CTNNA3: variants seen among roughly 807,000 people sequenced by gnomAD.
CTNNA3 encodes the protein catenin alpha-3.
A neutral mutation model predicts 95.7 loss-of-function variants in CTNNA3; 76 were observed. The ratio of observed to expected loss-of-function variants is 0.79; its 90% CI spans 0.66 to 0.96. The LOEUF is 0.96. CTNNA3 is among the 40% of genes least tolerant of loss of function. The pLI is 0.00. For synonymous variants in CTNNA3, 431 were observed against 374.4 expected (o/e 1.15, Z -1.74); for missense variants, 1,191 against 1,089.8 (o/e 1.09, Z -1.31).
At chr10:67,341,373 C>T (rs1842183362) in intron 5 of CTNNA3, among the ~76,000 whole-genome samples, 1 of 152,146 alleles carries the variant, frequency 6.6e-6, no homozygotes, top group African/African-American at 2.4e-5. Flanking sequence ...CTGGTAACCA[C>T]ATTCTACTCT....
chr10:67,254,981 T>C lies in CTNNA3; in HGVS notation c.580-35111A>G, dbSNP rs572273743. ...GTGTCACTCTAAAATTTTTGTGTGA[T>C]TGTTTCTATGCTATAAAACCACAAT... On this transcript the variant is annotated intron_variant, in intron 5 of 17. Transcript: ENST00000433211. Among the ~76,000 whole-genome samples the C allele has an allele frequency of 8.1e-4, 124 of 152,314 alleles. 1 individual carries two copies. The highest frequency in any genetic ancestry group is 2.9e-3 in the African/African-American group (120 of 41,576).
At chr10:67,361,240 A>C (rs181162377) in intron 5 of CTNNA3, among the ~76,000 whole-genome samples, 6 of 152,206 alleles carry the variant, frequency 3.9e-5, no homozygotes, top group Non-Finnish European at 8.8e-5. Context: ...CTAACAAAGA[A>C]ATTATGGACT....
chr10:66,267,842 ATATCT>A (rs1429011272), intron 13 of CTNNA3, among the ~76,000 whole-genome samples: 9 of 152,116 alleles, frequency 5.9e-5, no homozygotes, highest in African/African-American at 2.2e-4. Context: ...GTATAGCTTA[ATATCT>A]TAAATTGGCA....
chr10:67,099,104 G>A (rs1469606841), intron 7 of CTNNA3: 1 of 151,640 alleles, frequency 6.6e-6, no homozygotes, highest in Non-Finnish European at 1.5e-5. Context: ...TATCCATAAT[G>A]GGATTCACCT....
intron 3 of CTNNA3, among the ~76,000 whole-genome samples, chr10:67,547,594 T>A (rs1840885309): frequency 6.6e-6 from 1 of 152,170 alleles, no homozygotes; most frequent in Non-Finnish European, 1.5e-5. Context: ...TATGCAGAAA[T>A]GACAGAAGTT....
At chr10:65,920,816 C>T (rs1380239411) in intron 17 of CTNNA3, among the ~76,000 whole-genome samples, 199 bp from the exon 18 acceptor site, 1 of 151,428 alleles carries the variant, frequency 6.6e-6, no homozygotes, top group African/African-American at 2.4e-5. Flanking sequence ...ACAGTGAAAC[C>T]CCATATAAAA....
intron 5 of CTNNA3, among the ~76,000 whole-genome samples, chr10:67,319,887 A>T (rs1411481632): frequency 1.8e-5 from 2 of 114,060 alleles, no homozygotes; most frequent in African/African-American, 6.8e-5. Context: ...CAAGAGCGAG[A>T]CTCAGTCTCA....
chr10:66,227,824 T>C (rs1237116196), intron 13 of CTNNA3, among the ~76,000 whole-genome samples: 1 of 152,058 alleles, frequency 6.6e-6, no homozygotes, highest in Non-Finnish European at 1.5e-5. Context: ...TATTGGGAGA[T>C]TTTTTATTTC....
At chr10:67,698,674 C>T (rs1250139921), upstream of CTNNA3, among the ~76,000 whole-genome samples, 1 of 152,118 alleles carries the variant, frequency 6.6e-6, no homozygotes, top group Non-Finnish European at 1.5e-5. Flanking sequence ...ATTTTCTGAA[C>T]AGCCATAATA....
rs187326268 is a variant in CTNNA3, at chr10:66,463,051, T to C, written c.1531+57566A>G. 1.0e-3 allele frequency among the ~76,000 whole-genome samples: 154 copies of C among 152,316 alleles called. 1 individual carries two copies. Among genetic ancestry groups the C allele is most frequent in the African/African-American group, 3.4e-3 (140 of 41,584 alleles). On this transcript the variant is annotated intron_variant, in intron 11 of 17. Coordinates refer to ENST00000433211, the MANE Select transcript of CTNNA3 (RefSeq NM_013266.4). ...AAAATTCTTTTAGCTTCCATGTTCA[T>C]CTTCTTTTCTGCATTGCTATTACTT...
chr10:66,724,184 G>C (rs766302145), intron 9 of CTNNA3, among the ~76,000 whole-genome samples: 20 of 152,110 alleles, frequency 1.3e-4, no homozygotes, highest in Admixed American at 4.6e-4. Flanking sequence ...GCCCATGTTT[G>C]CTATTGACTG....
intron 5 of CTNNA3, among the ~76,000 whole-genome samples, chr10:67,435,920 T>C (rs112612948): frequency 0.017 from 2,661 of 152,134 alleles, 87 homozygotes; most frequent in African/African-American, 0.059. Flanking sequence ...ACAAATTCAA[T>C]GCAATCCCTA....
intron 15 of CTNNA3, among the ~76,000 whole-genome samples, chr10:65,994,315 G>A (rs907910850): frequency 6.6e-6 from 1 of 152,020 alleles, no homozygotes; most frequent in Admixed American, 6.6e-5. Flanking sequence ...AAGGAGTCAC[G>A]AAAACAAAGG....
intron 15 of CTNNA3, among the ~76,000 whole-genome samples, chr10:65,999,168 T>C (rs1169824589): frequency 6.6e-6 from 1 of 152,158 alleles, no homozygotes; most frequent in East Asian, 1.9e-4. Flanking sequence ...GTTACGTACA[T>C]GGTTATGTTC....
chr10:66,774,639 C>G (rs1840222763), intron 8 of CTNNA3, among the ~76,000 whole-genome samples: 1 of 152,142 alleles, frequency 6.6e-6, no homozygotes, highest in African/African-American at 2.4e-5. Flanking sequence ...TGCCATTAAA[C>G]TACGATAATA....
At chr10:66,098,093 G>T (rs2133721660) in intron 14 of CTNNA3, 1 of 152,152 alleles carries the variant, frequency 6.6e-6, no homozygotes. Flanking sequence ...AGCCAATTTT[G>T]CTATTGATAG....
At chr10:66,291,717 G>A (rs574171479) in intron 12 of CTNNA3, among the ~76,000 whole-genome samples, 25 of 151,746 alleles carry the variant, frequency 1.6e-4, no homozygotes, top group Middle Eastern at 3.4e-3. Context: ...GAAGATATGT[G>A]TGCATAAATT....
intron 1 of CTNNA3, among the ~76,000 whole-genome samples, chr10:67,671,547 C>G (rs1478558013): frequency 2.7e-5 from 4 of 147,770 alleles, no homozygotes; most frequent in Non-Finnish European, 5.9e-5. Context: ...GTGTGATATT[C>G]CCCTTCCTGT....
intron 11 of CTNNA3, among the ~76,000 whole-genome samples, chr10:66,454,961 T>C (rs887918106): frequency 6.6e-6 from 1 of 152,186 alleles, no homozygotes; most frequent in Admixed American, 6.5e-5. Flanking sequence ...GGGGTACAAG[T>C]CTGGCCAATA....
Sources: gnomAD v4.1 joint callset for allele counts (sites outside exome capture counted in the v4.1 genomes callset) on GRCh38, gnomAD v4.1.1 for gene constraint, MANE v1.5 for transcripts, NCBI Gene and HGNC (gene_info 2026-07-23, HGNC 2026-07-21) for gene names.